Variants in PDZD8 observed in about 807,000 individuals in gnomAD.
PDZD8 encodes PDZ domain-containing protein 8.
PDZD8 carries 14 observed loss-of-function variants against 85.8 expected under a neutral mutation model. The observed-to-expected ratio is 0.16, with a 90% CI of 0.11 to 0.26. The LOEUF is 0.26. Ranked by LOEUF, PDZD8 falls within the 10% of genes least tolerant of loss-of-function variation. PDZD8 has a pLI of 1.00. For missense variants in PDZD8, 1,197 were observed against 1,424.3 expected (o/e 0.84, Z 2.57); for synonymous variants, 592 against 568.6 (o/e 1.04, Z -0.59).
At chr10:117,348,372 C>T (rs17096145) in intron 1 of PDZD8, among the ~76,000 whole-genome samples, 6,121 of 152,244 alleles carry the variant, frequency 0.04, 143 homozygotes, top group East Asian at 0.067. Flanking sequence ...AACCTCCAAA[C>T]TAGGCATCAG....
In PDZD8 at chr10:117,360,605, A is replaced by T. The variant is rs185450227; in HGVS notation, c.872+13751T>A. 1.6e-4 allele frequency among the ~76,000 whole-genome samples: 24 copies of T among 152,210 alleles called. 1 individual carries two copies. The East Asian group carries it at 4.4e-3, about 28-fold the overall frequency. ...ATAAACATTATTTGACAAAAGAGAAAGCTAAAGCAGCTTGTCTGTGATCAC... is the reference window on the plus strand; with the variant it reads ...ATAAACATTATTTGACAAAAGAGAATGCTAAAGCAGCTTGTCTGTGATCAC... On this transcript the variant is annotated intron_variant, in intron 1 of 4. Transcript: ENST00000334464.
intron 3 of PDZD8, among the ~76,000 whole-genome samples, chr10:117,312,418 C>T (rs1406504160): frequency 7.9e-5 from 12 of 152,046 alleles, no homozygotes. Context: ...ATTTTTATCT[C>T]AAAAGTTCAT....
chr10:117,295,160 CCCA>C (rs1708554640), intron 3 of PDZD8, among the ~76,000 whole-genome samples: 1 of 151,778 alleles, frequency 6.6e-6, no homozygotes, highest in Non-Finnish European at 1.5e-5. Context: ...ACAAAAAAAA[CCCA>C]CCACCACCAA....
chr10:117,324,751 AT>A (rs1264990451), intron 2 of PDZD8, among the ~76,000 whole-genome samples: 1 of 152,158 alleles, frequency 6.6e-6, no homozygotes, highest in Non-Finnish European at 1.5e-5. Flanking sequence ...GATGAGAATA[AT>A]TTTTTATGAC....
At chr10:117,315,606 A>AAC (rs1564697065) in intron 3 of PDZD8, among the ~76,000 whole-genome samples, 2 of 151,072 alleles carry the variant, frequency 1.3e-5, no homozygotes, top group African/African-American at 4.9e-5. Context: ...AAAAAAAAAA[A>AAC]AAAAAACAAT....
chr10:117,289,056 A>G (rs1418784488), intron 4 of PDZD8, among the ~76,000 whole-genome samples: 4 of 152,192 alleles, frequency 2.6e-5, no homozygotes, highest in South Asian at 2.1e-4. Flanking sequence ...GTGTTTATGC[A>G]TAAGCATCAT....
intron 2 of PDZD8, among the ~76,000 whole-genome samples, chr10:117,328,583 T>C (rs1003084268): frequency 2.6e-5 from 4 of 152,098 alleles, no homozygotes; most frequent in African/African-American, 9.7e-5. Context: ...AGCTAATTTT[T>C]TTTTTCTATG....
chr10:117,285,728 A>G, intron 4 of PDZD8: 1 of 1,153,980 alleles, frequency 8.7e-7, no homozygotes, highest in Non-Finnish European at 1.1e-6. Context: ...GGATCCCAAA[A>G]AGAGTGCCAG....
chr10:117,371,288 C>G (rs1364213765), intron 1 of PDZD8, among the ~76,000 whole-genome samples: 2 of 152,072 alleles, frequency 1.3e-5, no homozygotes, highest in Non-Finnish European at 2.9e-5. Context: ...AGGTACAAGC[C>G]ATTTTCCTGC....
intron 2 of PDZD8, among the ~76,000 whole-genome samples, chr10:117,326,093 C>T (rs1432429293): frequency 6.6e-6 from 1 of 152,148 alleles, no homozygotes; most frequent in Non-Finnish European, 1.5e-5. Flanking sequence ...GTCCTGAGGC[C>T]TCCCCAGCCA....
intron 3 of PDZD8, among the ~76,000 whole-genome samples, chr10:117,310,246 G>A (rs4752048): frequency 0.15 from 22,599 of 151,914 alleles, 1,965 homozygotes; most frequent in East Asian, 0.41. Flanking sequence ...AAATGTCACC[G>A]CCTTAATATA....
At chr10:117,351,409 AT>A (rs1263181020) in intron 1 of PDZD8, among the ~76,000 whole-genome samples, 2 of 152,198 alleles carry the variant, frequency 1.3e-5, no homozygotes, top group Non-Finnish European at 2.9e-5. Flanking sequence ...GTATGATTCA[AT>A]TTATACAAAG....
chr10:117,324,230 A>AAAAAAG (rs1844277624), intron 2 of PDZD8, among the ~76,000 whole-genome samples: 1 of 146,230 alleles, frequency 6.8e-6, no homozygotes, highest in African/African-American at 2.7e-5. Flanking sequence ...AAAAAAAAAA[A>AAAAAAG]AAAAGACAAG....
At chr10:117,350,035 T>G (rs1844776745) in intron 1 of PDZD8, among the ~76,000 whole-genome samples, 1 of 152,114 alleles carries the variant, frequency 6.6e-6, no homozygotes, top group Non-Finnish European at 1.5e-5. Context: ...ATTATTAGTA[T>G]AGCTAACACT....
intron 3 of PDZD8, among the ~76,000 whole-genome samples, chr10:117,295,687 T>C (rs1843744345): frequency 6.6e-6 from 1 of 152,096 alleles, no homozygotes; most frequent in Non-Finnish European, 1.5e-5. Context: ...TTAAAAAAGA[T>C]AATAATCATA....
In PDZD8 at chr10:117,284,108, A is replaced by G. The variant is rs1844615502; in HGVS notation, c.2625T>C (p.Val875=). 1 of 1,614,204 alleles carries G rather than the reference A, an allele frequency of 6.2e-7. No homozygotes were observed. The highest frequency in any genetic ancestry group is 1.1e-5 in the South Asian group (1 of 91,080). The change falls in exon 5 of 5, where the codon GTT becomes GTC. Residue 875 remains valine, a synonymous_variant. Coordinates refer to ENST00000334464, the MANE Select transcript of PDZD8 (RefSeq NM_173791.5). The part of the protein sequence containing the change: ...AASQCMFCAY[V]CHKKCQEKCL... ...ACTTTTCTTGACATTTTTTATGGCA[A>G]ACATAAGCACAAAACATACACTGGG...
chr10:117,365,493 A>G (rs1017702255), intron 1 of PDZD8, among the ~76,000 whole-genome samples: 1 of 152,228 alleles, frequency 6.6e-6, no homozygotes, highest in Non-Finnish European at 1.5e-5. Context: ...TCACTTTGAT[A>G]CTACATATTT....
intron 1 of PDZD8, among the ~76,000 whole-genome samples, chr10:117,342,391 G>GAGACACACACAC (rs1844629581): frequency 2.3e-5 from 1 of 43,258 alleles, no homozygotes; most frequent in Non-Finnish European, 5.2e-5. Context: ...CACACAAACA[G>GAGACACACACAC]ATACACACAC....
chr10:117,297,911 G>C (rs1843782845), intron 3 of PDZD8, among the ~76,000 whole-genome samples: 1 of 151,976 alleles, frequency 6.6e-6, no homozygotes, highest in Admixed American at 6.6e-5. Context: ...CCTTATATAT[G>C]CCAGTTTTTG....
Sources: allele counts gnomAD v4.1 joint callset (sites outside exome capture counted in the v4.1 genomes callset), GRCh38; gene constraint gnomAD v4.1.1; transcripts MANE v1.5; gene names NCBI Gene and HGNC (gene_info 2026-07-23, HGNC 2026-07-21).